The following DNAJC1 variants were observed in gnomAD, a reference collection of about 807,000 sequenced individuals.
The protein encoded by DNAJC1 is dnaJ homolog subfamily C member 1.
DNAJC1 carries 58 observed loss-of-function variants against 76.6 expected under a neutral mutation model. The observed-to-expected ratio is 0.76, with a 90% CI of 0.61 to 0.94. The LOEUF (loss-of-function observed/expected upper bound fraction) is 0.94. Ranked by LOEUF, DNAJC1 falls within the 40% of genes least tolerant of loss-of-function variation. The pLI, the probability that DNAJC1 is intolerant of heterozygous loss-of-function variation, is 0.00. For synonymous variants in DNAJC1, 258 were observed against 267.9 expected, an observed-to-expected ratio of 0.96 and a Z score of 0.36; for missense variants, 689 against 677.3, an observed-to-expected ratio of 1.02 and a Z score of -0.19.
chr10:21,918,710 G>A, intron 6 of DNAJC1, 69 bp downstream of exon 6: 1 of 1,169,800 alleles, frequency 8.5e-7, no homozygotes, highest in Non-Finnish European at 1.3e-6. Flanking sequence ...GAGCCGACAT[G>A]GGCATAAATT....
chr10:21,764,845 G>A (rs1464456249), intron 10 of DNAJC1, among the ~76,000 whole-genome samples: 2 of 152,262 alleles, frequency 1.3e-5, no homozygotes, highest in East Asian at 1.9e-4. Context: ...ATATCACATC[G>A]GATTTGCCTC....
intron 9 of DNAJC1, chr10:21,785,498 C>T (rs996512127): frequency 2.0e-5 from 3 of 152,226 alleles, no homozygotes; most frequent in Non-Finnish European, 4.4e-5. Context: ...TTTACCAGAA[C>T]ATTTGAATTA....
intron 3 of DNAJC1, among the ~76,000 whole-genome samples, chr10:21,922,224 T>C (rs1052072237): frequency 6.6e-6 from 1 of 151,994 alleles, no homozygotes; most frequent in Non-Finnish European, 1.5e-5. Flanking sequence ...GCTACTTTGA[T>C]AGTTATTAAA....
intron 8 of DNAJC1, among the ~76,000 whole-genome samples, chr10:21,873,460 T>C (rs1424180346): frequency 6.6e-6 from 1 of 152,136 alleles, no homozygotes; most frequent in African/African-American, 2.4e-5. Context: ...GGTAATAGCT[T>C]ATGTAATCAA....
chr10:21,796,733 C>T (rs968115951), intron 9 of DNAJC1, among the ~76,000 whole-genome samples: 3 of 152,088 alleles, frequency 2.0e-5, no homozygotes, highest in Non-Finnish European at 4.4e-5. Context: ...TACCTGTTGG[C>T]CATTTCTATG....
At chr10:21,905,130 A>G (rs1836721204) in intron 6 of DNAJC1, among the ~76,000 whole-genome samples, 1 of 152,100 alleles carries the variant, frequency 6.6e-6, no homozygotes, top group Non-Finnish European at 1.5e-5. Context: ...ACGAGTATAA[A>G]AACCATTACC....
intron 8 of DNAJC1, among the ~76,000 whole-genome samples, chr10:21,861,777 G>C (rs1165866433): frequency 6.6e-6 from 1 of 152,074 alleles, no homozygotes. Flanking sequence ...GGATGGTCTA[G>C]AAAGAGGAGG....
intron 9 of DNAJC1, among the ~76,000 whole-genome samples, chr10:21,774,772 C>T (rs548336755): frequency 3.5e-4 from 54 of 152,278 alleles, no homozygotes; most frequent in African/African-American, 1.1e-3. Flanking sequence ...CCACCGCGCC[C>T]GGCCTAAACA....
intron 8 of DNAJC1, among the ~76,000 whole-genome samples, chr10:21,839,290 T>A (rs1292291474): frequency 6.6e-6 from 1 of 152,026 alleles, no homozygotes; most frequent in South Asian, 2.1e-4. Flanking sequence ...AAAAATCCTT[T>A]AAAAAATTAA....
At chr10:21,806,197 A>T (rs1411240618) in intron 8 of DNAJC1, 98 bp from the exon 9 acceptor site, 4 of 1,344,734 alleles carry the variant, frequency 3.0e-6, no homozygotes, top group Non-Finnish European at 4.0e-6. Context: ...ATTGCTGTGA[A>T]GCAAATTATT....
In DNAJC1 at chr10:21,882,392, G is replaced by A. The variant is rs1240503124; in HGVS notation, c.868C>T (p.Pro290Ser). ...KPKPEFPVYT[P>S]LETTYIQSYD... is the part of the protein sequence containing the mutation. Reference sequence around the variant, plus strand: ...GACTGAATATATGTAGTTTCTAAAGGTGTGTATACAGGAAATTCAGGTTTT... The same window carrying A: ...GACTGAATATATGTAGTTTCTAAAGATGTGTATACAGGAAATTCAGGTTTT... The change falls in exon 8 of 12, where the codon CCT becomes TCT. Residue 290 changes from proline (P) to serine (S), a missense_variant. Pro to Ser is a moderately conservative substitution (Grantham distance 74). Coordinates refer to ENST00000376980, the MANE Select transcript of DNAJC1 (RefSeq NM_022365.4). 1 of 1,566,236 alleles carries A rather than the reference G, an allele frequency of 6.4e-7. No homozygotes were observed. The highest frequency in any genetic ancestry group is 1.2e-5 in the South Asian group (1 of 81,206).
chr10:21,794,436 G>C (rs981823903), intron 9 of DNAJC1, among the ~76,000 whole-genome samples: 4 of 152,030 alleles, frequency 2.6e-5, no homozygotes, highest in African/African-American at 2.4e-5. Flanking sequence ...TCATGTTCAT[G>C]AATTTGAACA....
At chr10:21,872,531 T>C (rs146443868) in intron 8 of DNAJC1, among the ~76,000 whole-genome samples, 13 of 152,040 alleles carry the variant, frequency 8.6e-5, no homozygotes, top group African/African-American at 2.9e-4. Flanking sequence ...ATAACTGAGA[T>C]AAAAAATTCT....
intron 7 of DNAJC1, 141 bp downstream of exon 7, chr10:21,904,381 G>C: frequency 2.1e-6 from 1 of 475,970 alleles, no homozygotes; most frequent in Non-Finnish European, 3.6e-6. Context: ...AATACATTAA[G>C]TACAAGTGAC....
intron 4 of DNAJC1, chr10:21,920,593 A>G (rs1837026435): frequency 2.4e-6 from 1 of 408,816 alleles, no homozygotes; most frequent in Non-Finnish European, 4.0e-6. Context: ...TAACAAACTT[A>G]AGTGCCACAT....
intron 4 of DNAJC1, among the ~76,000 whole-genome samples, chr10:21,920,285 T>G (rs1215686479): frequency 6.6e-6 from 1 of 152,038 alleles, no homozygotes; most frequent in African/African-American, 2.4e-5. Flanking sequence ...TAAATATGTT[T>G]GATTATCTTT....
intron 6 of DNAJC1, among the ~76,000 whole-genome samples, chr10:21,915,483 G>T (rs1203065204): frequency 6.6e-6 from 1 of 152,178 alleles, no homozygotes; most frequent in Admixed American, 6.5e-5. Flanking sequence ...TTTTAGCTTG[G>T]ACCCTGCTTC....
chr10:22,001,102 A>G (rs1838511883), intron 1 of DNAJC1, among the ~76,000 whole-genome samples: 1 of 152,194 alleles, frequency 6.6e-6, no homozygotes, highest in Non-Finnish European at 1.5e-5. Context: ...TGTTTTATAT[A>G]AAGGTCAACT....
intron 9 of DNAJC1, among the ~76,000 whole-genome samples, chr10:21,777,230 AG>A (rs1834464128): frequency 6.6e-6 from 1 of 152,236 alleles, no homozygotes. Flanking sequence ...GGTAAGATAT[AG>A]GGCTCTGATG....
Sources: gnomAD v4.1 joint callset for allele counts (sites outside exome capture counted in the v4.1 genomes callset) on GRCh38, gnomAD v4.1.1 for gene constraint, MANE v1.5 for transcripts, NCBI Gene and HGNC (gene_info 2026-07-23, HGNC 2026-07-21) for gene names.